PARD6G: variants seen among roughly 807,000 people sequenced by gnomAD.
The protein encoded by PARD6G is par-6 family cell polarity regulator gamma.
A neutral mutation model predicts 10.7 loss-of-function variants in PARD6G; 7 were observed. The observed-to-expected ratio is 0.66, with a 90% CI of 0.37 to 1.23. PARD6G has a LOEUF of 1.23. PARD6G is among the 50% of genes most tolerant of loss of function. The pLI is 0.02. For missense variants in PARD6G, 548 were observed against 571.8 expected, an observed-to-expected ratio of 0.96 and a Z score of 0.42; for synonymous variants, 287 against 269.4, an observed-to-expected ratio of 1.07 and a Z score of -0.64.
At chr18:80,207,836 A>G (rs571070381) in intron 1 of PARD6G, among the ~76,000 whole-genome samples, 114 of 152,332 alleles carry the variant, frequency 7.5e-4, no homozygotes, top group Middle Eastern at 3.4e-3. Context: ...GAAGAGTAAC[A>G]GGGGTAACGA....
chr18:80,228,580 A>C lies in PARD6G; in HGVS notation c.72+18697T>G, dbSNP rs563055152. On this transcript the variant is annotated intron_variant, in intron 1 of 2. Coordinates refer to ENST00000353265, the MANE Select transcript of PARD6G (RefSeq NM_032510.4). The surrounding 1 kb of genome is among the most constrained non-coding windows in gnomAD (Gnocchi z 4.6). ...ACAGGGTCTTGGCCCCCAGGCCCAC[A>C]GACTGCATCTCCTAAGATGCAGCCC... 4.0e-5 allele frequency among the ~76,000 whole-genome samples: 6 copies of C among 149,354 alleles called. No individual in the cohort carries two copies. The South Asian group carries it at 1.3e-3, about 32-fold the overall frequency.
At chr18:80,205,036 C>T (rs988404003) in intron 1 of PARD6G, among the ~76,000 whole-genome samples, 3 of 152,120 alleles carry the variant, frequency 2.0e-5, no homozygotes, top group African/African-American at 7.2e-5. Context: ...GGTCTACATA[C>T]TCAGTAAGGG....
chr18:80,221,389 T>A (rs190962258), intron 1 of PARD6G, among the ~76,000 whole-genome samples: 1 of 152,274 alleles, frequency 6.6e-6, no homozygotes, highest in Admixed American at 6.5e-5. Flanking sequence ...ATCACATGAA[T>A]GCAAGGTTGG....
chr18:80,177,290 G>GCA (rs372825491), intron 2 of PARD6G, among the ~76,000 whole-genome samples: 1 of 62,798 alleles, frequency 1.6e-5, no homozygotes, highest in Non-Finnish European at 3.0e-5. Context: ...ACGCACACAC[G>GCA]CACACACACA....
intron 2 of PARD6G, among the ~76,000 whole-genome samples, chr18:80,190,445 A>G (rs1294640896): frequency 1.3e-5 from 2 of 152,144 alleles, no homozygotes; most frequent in African/African-American, 4.8e-5. Context: ...GTGTCCCTTT[A>G]GGCCTCTGAC....
intron 1 of PARD6G, among the ~76,000 whole-genome samples, chr18:80,205,845 T>C (rs573205435): frequency 3.3e-5 from 5 of 152,346 alleles, no homozygotes; most frequent in Admixed American, 3.3e-4. Flanking sequence ...GCAATTTCCT[T>C]GTATCACTAT....
Position 80,181,948 on chromosome 18 carries a change from T to C in PARD6G, c.295+20762A>G, listed in dbSNP as rs1048171588. Among the ~76,000 whole-genome samples, 2 of 152,116 alleles carry C rather than the reference T, an allele frequency of 1.3e-5. No homozygotes were observed. Among genetic ancestry groups the C allele is most frequent in the Non-Finnish European group, 2.9e-5 (2 of 68,004 alleles). ...ACCCAGGGCTGCAGCACACAACACG[T>C]TTCCAGTGGAGAAGCCCTTTGCAGA... On this transcript the variant is annotated intron_variant, in intron 2 of 2. Transcript: ENST00000353265. The surrounding 1 kb of genome is among the most constrained non-coding windows in gnomAD (Gnocchi z 7.9).
At chr18:80,240,389 A>G (rs1364349247) in intron 1 of PARD6G, among the ~76,000 whole-genome samples, 1 of 152,170 alleles carries the variant, frequency 6.6e-6, no homozygotes, top group East Asian at 1.9e-4. Flanking sequence ...CCATTTCTGA[A>G]CCAGTAGCTG....
intron 2 of PARD6G, among the ~76,000 whole-genome samples, chr18:80,196,475 T>C (rs759045879): frequency 5.9e-5 from 9 of 152,264 alleles, no homozygotes; most frequent in Non-Finnish European, 4.4e-5. Flanking sequence ...TCTTTAAAGA[T>C]AATCCAAATT....
chr18:80,238,868 G>A lies in PARD6G; in HGVS notation c.72+8409C>T, dbSNP rs372383311. 3.3e-5 allele frequency among the ~76,000 whole-genome samples: 5 copies of A among 152,114 alleles called. No individual in the cohort carries two copies. In the East Asian group the frequency reaches 5.8e-4, roughly 18 times the overall value. On this transcript the variant is annotated intron_variant, in intron 1 of 2. Transcript: ENST00000353265. ...GAGGTCACAGAATCGGGGGGCGGGC[G>A]GGGGAAGTGGGAGGTGACAGATAGA...
chr18:80,245,690 G>A (rs12962083), intron 1 of PARD6G, among the ~76,000 whole-genome samples: 127,516 of 152,112 alleles, frequency 0.84, 53,557 homozygotes, highest in Non-Finnish European at 0.86. Flanking sequence ...CGTGCTTATT[G>A]TCTACTGTAC....
intron 2 of PARD6G, chr18:80,169,311 A>G (rs2145249612): frequency 6.6e-6 from 1 of 152,488 alleles, no homozygotes; most frequent in East Asian, 1.9e-4. Flanking sequence ...TCAACATTGC[A>G]TTTGATTCCT....
At chr18:80,199,405 T>C (rs901772550) in intron 2 of PARD6G, among the ~76,000 whole-genome samples, 6 of 152,216 alleles carry the variant, frequency 3.9e-5, no homozygotes, top group African/African-American at 1.2e-4. Context: ...CACACGCACA[T>C]GCGCACACTT....
chr18:80,165,423 T>C (rs999335060), intron 2 of PARD6G, among the ~76,000 whole-genome samples: 5 of 152,206 alleles, frequency 3.3e-5, no homozygotes, highest in African/African-American at 1.2e-4. Flanking sequence ...AAATCACTGT[T>C]ATTCTGTTCT....
At chr18:80,208,181 A>G (rs2886354) in intron 1 of PARD6G, among the ~76,000 whole-genome samples, 129,345 of 152,016 alleles carry the variant, frequency 0.85, 55,174 homozygotes, top group Non-Finnish European at 0.88. Flanking sequence ...TGCACCAAAA[A>G]CTTTATTTGT....
In PARD6G at chr18:80,159,587, A is replaced by C; in HGVS notation, c.*184T>G. 9.8e-7 allele frequency: 1 copy of C among 1,022,234 alleles called. No homozygotes were observed. 63.3% of individuals were successfully genotyped at this position (1,022,234 alleles called of 1,614,324 possible). On this transcript the variant is annotated 3_prime_UTR_variant, in exon 3 of 3. Transcript: ENST00000353265. The stretch of plus-strand genomic sequence containing the variant: ...AGTGTCTCTACAGGCGTTCATTTTA[A>C]GTTCTGTGGCGAAATTCTATAAAAA...
rs548353842 is a variant in PARD6G at position 80,217,604 on chromosome 18, TA to T, written c.73-14673del. Among the ~76,000 whole-genome samples the T allele has an allele frequency of 1.3e-3, 192 of 152,278 alleles. 2 individuals are homozygous for T. Among genetic ancestry groups the T allele is most frequent in the Admixed American group, 3.1e-3 (48 of 15,292 alleles). On this transcript the variant is annotated intron_variant, in intron 1 of 2. Coordinates refer to ENST00000353265, the MANE Select transcript of PARD6G (RefSeq NM_032510.4). ...CCCCAAACCCATAATCCCAGTATAA[TA>T]ATGAGAAACATAACAGACAAATCTC... is the stretch of plus-strand genomic sequence containing the variant.
rs113056848 is a variant in PARD6G at position 80,202,925 on chromosome 18, G to A, written c.80C>T (p.Ala27Val). Reference protein sequence around the residue: ...SAVEVKSKFGAEFRRFSLDRH... With the variant: ...SAVEVKSKFGVEFRRFSLDRH... ...GTCCAGAGAGAACCTTCGGAATTCCGCCCCAAACTACAATGCAAGAGACGG... is the reference window on the plus strand; with the variant it reads ...GTCCAGAGAGAACCTTCGGAATTCCACCCCAAACTACAATGCAAGAGACGG... The change falls in exon 2 of 3, where the codon GCG becomes GTG. Residue 27 changes from alanine (A) to valine (V), a missense_variant. Physicochemically the swap from Ala to Val is moderately conservative, Grantham distance 64. This residue lies in a region of PARD6G where 235 missense variants were observed against 291.9 expected (regional missense o/e 0.81). Transcript: ENST00000353265. 3.2e-5 allele frequency: 40 copies of A among 1,256,556 alleles called. No homozygotes were observed. The highest frequency in any genetic ancestry group is 1.2e-4 in the South Asian group (10 of 85,072). 77.8% of individuals were successfully genotyped at this position (1,256,556 alleles called of 1,614,324 possible).
At chr18:80,196,616 C>T (rs542379014) in intron 2 of PARD6G, among the ~76,000 whole-genome samples, 1 of 152,290 alleles carries the variant, frequency 6.6e-6, no homozygotes. Context: ...TCATCTGTTT[C>T]CCTCTCTGTT....
Sources: allele counts gnomAD v4.1 joint callset (sites outside exome capture counted in the v4.1 genomes callset), GRCh38; gene constraint gnomAD v4.1.1; regional missense constraint gnomAD v4.1.1; non-coding constraint Gnocchi (gnomAD v3.1); transcripts MANE v1.5; gene names NCBI Gene and HGNC (gene_info 2026-07-23, HGNC 2026-07-21).